The following GRIA2 variants were observed in gnomAD, a reference collection of about 807,000 sequenced individuals.
GRIA2 encodes glutamate receptor 2.
GRIA2 carries 14 observed loss-of-function variants against 97.3 expected under a neutral mutation model. The ratio of observed to expected loss-of-function variants is 0.14; its 90% CI spans 0.10 to 0.23. The LOEUF (loss-of-function observed/expected upper bound fraction) is 0.23, where lower values mean the gene tolerates loss of function less well. Ranked by LOEUF, GRIA2 falls within the 10% of genes least tolerant of loss-of-function variation. The pLI, the probability that GRIA2 is intolerant of heterozygous loss-of-function variation, is 1.00. For missense variants in GRIA2, 558 were observed against 1,069.8 expected, an observed-to-expected ratio of 0.52 and a Z score of 6.67; for synonymous variants, 412 against 387.8, an observed-to-expected ratio of 1.06 and a Z score of -0.73.
intron 2 of GRIA2, among the ~76,000 whole-genome samples, chr4:157,292,799 G>A (rs557107155): frequency 6.6e-6 from 1 of 152,162 alleles, no homozygotes; most frequent in East Asian, 1.9e-4. Context: ...CAGGCTGCCT[G>A]GGTTGACACC....
At chr4:157,225,558 A>G (rs766583828) in intron 2 of GRIA2, among the ~76,000 whole-genome samples, 1 of 151,982 alleles carries the variant, frequency 6.6e-6, no homozygotes, top group East Asian at 1.9e-4. Context: ...CATTCATTCA[A>G]TAAATGTTTA....
intron 2 of GRIA2, among the ~76,000 whole-genome samples, chr4:157,251,345 A>G (rs192155074): frequency 2.0e-4 from 30 of 152,220 alleles, no homozygotes; most frequent in African/African-American, 7.2e-4. Context: ...GAGAAGCAGT[A>G]TAATACTAGT....
chr4:157,349,721 A>G (rs916979624), intron 12 of GRIA2, among the ~76,000 whole-genome samples: 8 of 152,156 alleles, frequency 5.3e-5, no homozygotes, highest in Non-Finnish European at 1.0e-4. Context: ...TAGTTTGCTA[A>G]CACAACCAAT....
At chr4:157,311,959 A>G (rs113722531) in intron 3 of GRIA2, among the ~76,000 whole-genome samples, 4,557 of 152,178 alleles carry the variant, frequency 0.03, 75 homozygotes, top group Middle Eastern at 0.082. Flanking sequence ...TCCAAGTGAT[A>G]TGATGCTATA....
intron 2 of GRIA2, among the ~76,000 whole-genome samples, chr4:157,232,977 C>T (rs796676816): frequency 1.8e-4 from 28 of 152,272 alleles, no homozygotes; most frequent in African/African-American, 6.7e-4. Flanking sequence ...AGTCATAAAA[C>T]ACTATGAGCT....
intron 2 of GRIA2, among the ~76,000 whole-genome samples, chr4:157,231,631 G>A (rs1193946195): frequency 6.6e-6 from 1 of 152,112 alleles, no homozygotes; most frequent in Non-Finnish European, 1.5e-5. Flanking sequence ...TGGAATGTAC[G>A]ACTAGACTGC....
intron 3 of GRIA2, among the ~76,000 whole-genome samples, chr4:157,309,926 C>A (rs910329304): frequency 1.3e-5 from 2 of 152,042 alleles, no homozygotes; most frequent in African/African-American, 4.8e-5. Context: ...AGCACAGAGA[C>A]CCCCATCCAT....
intron 12 of GRIA2, among the ~76,000 whole-genome samples, chr4:157,355,951 T>TTAA (rs1736306427): frequency 2.1e-4 from 14 of 67,912 alleles, no homozygotes; most frequent in Non-Finnish European, 3.4e-4. Context: ...TAATATATAT[T>TTAA]TATATATTTA....
chr4:157,250,352 T>C (rs1357739533), intron 2 of GRIA2, among the ~76,000 whole-genome samples: 1 of 152,196 alleles, frequency 6.6e-6, no homozygotes, highest in African/African-American at 2.4e-5. Flanking sequence ...AAAGAGAGTA[T>C]TGGGCTGTTT....
At chr4:157,221,913 A>T in intron 2 of GRIA2, 106 bp downstream of exon 2, 1 of 1,040,482 alleles carries the variant, frequency 9.6e-7, no homozygotes, top group South Asian at 1.4e-5. Flanking sequence ...TCTGTGTGTC[A>T]GTGTGTGGGT....
chr4:157,302,435 A>G (rs150249657), intron 2 of GRIA2, among the ~76,000 whole-genome samples: 3 of 152,274 alleles, frequency 2.0e-5, no homozygotes, highest in African/African-American at 7.2e-5. Context: ...GATAAGCCAT[A>G]TTACTTTTTA....
intron 2 of GRIA2, among the ~76,000 whole-genome samples, chr4:157,297,399 A>G (rs28495775): frequency 0.25 from 37,963 of 152,072 alleles, 5,502 homozygotes; most frequent in African/African-American, 0.4. Context: ...AATAGTTAAT[A>G]TCAACATTAA....
At chr4:157,281,453 C>A (rs1553951866) in intron 2 of GRIA2, among the ~76,000 whole-genome samples, 1 of 152,022 alleles carries the variant, frequency 6.6e-6, no homozygotes, top group Non-Finnish European at 1.5e-5. Context: ...CATTTTAGTT[C>A]TAGCAGATTT....
intron 12 of GRIA2, among the ~76,000 whole-genome samples, chr4:157,345,198 A>C (rs773829810): frequency 6.6e-6 from 1 of 152,164 alleles, no homozygotes; most frequent in Non-Finnish European, 1.5e-5. Context: ...TTTAAAATCT[A>C]TACTTTTCTT....
chr4:157,272,364 C>T (rs1732069005), intron 2 of GRIA2, among the ~76,000 whole-genome samples: 1 of 151,986 alleles, frequency 6.6e-6, no homozygotes, highest in Admixed American at 6.6e-5. Flanking sequence ...ATTTGCCACC[C>T]CTAAAACTGG....
rs1415051316 is a variant in GRIA2, at chr4:157,361,241, A to G, written c.2406+117A>G. 4 of 737,978 alleles carry G rather than the reference A, an allele frequency of 5.4e-6. No homozygotes were observed. The highest frequency in any genetic ancestry group is 2.6e-5 in the East Asian group (1 of 37,936). The allele number at this position is 737,978 out of a possible 1,614,324, so 45.7% of individuals were successfully genotyped here. A position where few individuals can be genotyped will look rare whatever the true frequency, so the allele number is the denominator to read the frequency against. On this transcript the variant is annotated intron_variant, in intron 14 of 15. Coordinates refer to ENST00000264426, the MANE Select transcript of GRIA2 (RefSeq NM_001083619.3). This position sits in a 1 kb window ranked among gnomAD's most constrained non-coding sequence, Gnocchi z 5.2. Reference sequence around the variant, plus strand: ...TTCCAACGCTAAGCTGAAGAGTGCAATTGGATGACCAGGACACTTGACTTC... The same window carrying G: ...TTCCAACGCTAAGCTGAAGAGTGCAGTTGGATGACCAGGACACTTGACTTC...
At chr4:157,320,037 C>T (rs1193891431) in intron 5 of GRIA2, among the ~76,000 whole-genome samples, 1 of 151,964 alleles carries the variant, frequency 6.6e-6, no homozygotes, top group Non-Finnish European at 1.5e-5. Flanking sequence ...AAACAAATTA[C>T]CTGATATGTT....
chr4:157,281,636 A>C (rs1004737845), intron 2 of GRIA2, among the ~76,000 whole-genome samples: 1 of 152,036 alleles, frequency 6.6e-6, no homozygotes, highest in African/African-American at 2.4e-5. Flanking sequence ...TTTGTAAAAT[A>C]TATTTTGTAA....
Position 157,297,700 on chromosome 4 carries a change from T to C in GRIA2, c.230-5852T>C, listed in dbSNP as rs139163908. 2.7e-3 allele frequency among the ~76,000 whole-genome samples: 410 copies of C among 152,208 alleles called. 3 individuals carry two copies. Among genetic ancestry groups the C allele is most frequent in the African/African-American group, 9.3e-3 (386 of 41,554 alleles). ...AAGATTCTTGAAAACAGAATAATAA[T>C]CTCTCTGTGATATTTAATTGTTTAG... On this transcript the variant is annotated intron_variant, in intron 2 of 15. Coordinates refer to ENST00000264426, the MANE Select transcript of GRIA2 (RefSeq NM_001083619.3).
Sources: gnomAD v4.1 joint callset for allele counts (sites outside exome capture counted in the v4.1 genomes callset) on GRCh38, gnomAD v4.1.1 for gene constraint, Gnocchi (gnomAD v3.1) non-coding constraint, MANE v1.5 for transcripts, NCBI Gene and HGNC (gene_info 2026-07-23, HGNC 2026-07-21) for gene names.